NCAM1: variants seen among roughly 807,000 people sequenced by gnomAD.
The protein encoded by NCAM1 is neural cell adhesion molecule 1, also known as antigen recognized by monoclonal antibody 5.1H11.
NCAM1 carries 14 observed loss-of-function variants against 109.8 expected under a neutral mutation model. That is an observed-to-expected ratio of 0.13 (90% CI 0.08 to 0.20). The LOEUF (loss-of-function observed/expected upper bound fraction) is 0.20. NCAM1 is among the 10% of genes least tolerant of loss of function. The pLI, the probability that NCAM1 is intolerant of heterozygous loss-of-function variation, is 1.00. For missense variants in NCAM1, 774 were observed against 1,109.9 expected, an observed-to-expected ratio of 0.70 and a Z score of 4.30; for synonymous variants, 418 against 442.9, an observed-to-expected ratio of 0.94 and a Z score of 0.70.
Position 113,274,407 on chromosome 11 carries a change from C to T in NCAM1, c.2457-860C>T, listed in dbSNP as rs1946362312. On this transcript the variant is annotated intron_variant, in intron 19 of 19. Transcript: ENST00000316851. The surrounding 1 kb of genome is among the most constrained non-coding windows in gnomAD (Gnocchi z 4.1). ...GTGTCTTGCCAAAATTCAGTGGCACCAGCTGAGGCTGGGGTCTGTGCCTGT... is the reference window on the plus strand; with the variant it reads ...GTGTCTTGCCAAAATTCAGTGGCACTAGCTGAGGCTGGGGTCTGTGCCTGT... Among the ~76,000 whole-genome samples the T allele has an allele frequency of 6.6e-6, 1 of 152,214 alleles. No homozygotes were observed. Among genetic ancestry groups the T allele is most frequent in the African/African-American group, 2.4e-5 (1 of 41,444 alleles).
intron 14 of NCAM1, among the ~76,000 whole-genome samples, chr11:113,238,316 A>T (rs1425316693): frequency 6.6e-6 from 1 of 152,232 alleles, no homozygotes; most frequent in Non-Finnish European, 1.5e-5. Flanking sequence ...ACCATGGCAT[A>T]TTCTTAGAGT....
At chr11:113,090,041 G>T (rs1248425126) in intron 1 of NCAM1, among the ~76,000 whole-genome samples, 2 of 152,204 alleles carry the variant, frequency 1.3e-5, no homozygotes, top group African/African-American at 2.4e-5. Flanking sequence ...GTAGGATTTT[G>T]TGTGCATTCA....
intron 1 of NCAM1, among the ~76,000 whole-genome samples, chr11:113,067,358 GA>G (rs1471892984): frequency 1.3e-5 from 2 of 152,202 alleles, no homozygotes; most frequent in Non-Finnish European, 2.9e-5. Flanking sequence ...TAGAAGGGAA[GA>G]AAGTGTGGCA....
At chr11:113,216,293 G>A (rs1320660657) in intron 8 of NCAM1, among the ~76,000 whole-genome samples, 1 of 151,932 alleles carries the variant, frequency 6.6e-6, no homozygotes, top group Non-Finnish European at 1.5e-5. Flanking sequence ...GGGACTACAG[G>A]CGCCCGCCAC....
At chr11:113,082,947 A>G (rs1385840737) in intron 1 of NCAM1, among the ~76,000 whole-genome samples, 1 of 152,214 alleles carries the variant, frequency 6.6e-6, no homozygotes, top group Non-Finnish European at 1.5e-5. Context: ...AATCACAATT[A>G]AAGTAATATC....
intron 1 of NCAM1, among the ~76,000 whole-genome samples, chr11:113,170,674 A>G (rs1484967337): frequency 6.6e-6 from 1 of 152,046 alleles, no homozygotes; most frequent in Admixed American, 6.6e-5. Flanking sequence ...CTGCTTGTTT[A>G]GGTTTCATTT....
At chr11:113,009,825 AG>A (rs1390586701) in intron 1 of NCAM1, among the ~76,000 whole-genome samples, 1 of 152,190 alleles carries the variant, frequency 6.6e-6, no homozygotes, top group Non-Finnish European at 1.5e-5. Flanking sequence ...AGAAGGGACT[AG>A]AGCAATGCTT....
intron 1 of NCAM1, among the ~76,000 whole-genome samples, chr11:113,003,212 G>GTC (rs1293665955): frequency 2.0e-5 from 3 of 152,188 alleles, no homozygotes; most frequent in Non-Finnish European, 4.4e-5. Context: ...CTCTTTATGT[G>GTC]TCTCTCTCTC....
At chr11:113,058,920 A>G (rs1322061789) in intron 1 of NCAM1, among the ~76,000 whole-genome samples, 1 of 152,196 alleles carries the variant, frequency 6.6e-6, no homozygotes, top group Non-Finnish European at 1.5e-5. Flanking sequence ...AAACATAACT[A>G]TGATGAACTG....
intron 1 of NCAM1, among the ~76,000 whole-genome samples, chr11:113,092,789 T>C (rs1939412687): frequency 6.6e-6 from 1 of 152,098 alleles, no homozygotes; most frequent in African/African-American, 2.4e-5. Flanking sequence ...AAGAAAGGAG[T>C]GAGATTATAT....
chr11:113,015,671 G>T (rs1952189021), intron 1 of NCAM1, among the ~76,000 whole-genome samples: 1 of 152,002 alleles, frequency 6.6e-6, no homozygotes, highest in Non-Finnish European at 1.5e-5. Context: ...GGGAGGCAGA[G>T]GTTGCAGTGA....
chr11:113,205,137 A>G lies in NCAM1; in HGVS notation c.347-386A>G, dbSNP rs77570122. On this transcript the variant is annotated intron_variant, in intron 3 of 19. Coordinates refer to ENST00000316851, the MANE Select transcript of NCAM1 (RefSeq NM_181351.5). Reference sequence around the variant, plus strand: ...GACTGGGAGTAGCAGTTCGAGTGGGAGACAAGAAAAGGACTGATGATTCTT... The same window carrying G: ...GACTGGGAGTAGCAGTTCGAGTGGGGGACAAGAAAAGGACTGATGATTCTT... Among the ~76,000 whole-genome samples the G allele has an allele frequency of 2.2e-3, 338 of 152,312 alleles. 1 individual carries two copies. The highest frequency in any genetic ancestry group is 7.6e-3 in the African/African-American group (317 of 41,562).
intron 1 of NCAM1, among the ~76,000 whole-genome samples, chr11:113,059,899 T>A (rs1358150454): frequency 1.2e-4 from 19 of 152,140 alleles, no homozygotes; most frequent in Admixed American, 1.2e-3. Context: ...GTTTAATAAA[T>A]AATACCTCTT....
intron 15 of NCAM1, among the ~76,000 whole-genome samples, chr11:113,248,197 C>G (rs569237714): frequency 1.4e-5 from 2 of 138,896 alleles, no homozygotes; most frequent in Non-Finnish European, 3.1e-5. Context: ...TAGCAGTCAT[C>G]TTGGCTGTTG....
At chr11:113,196,770 C>A (rs772503891) in intron 1 of NCAM1, among the ~76,000 whole-genome samples, 1 of 152,200 alleles carries the variant, frequency 6.6e-6, no homozygotes, top group Non-Finnish European at 1.5e-5. Flanking sequence ...TGACCACATT[C>A]GTTTCCTATT....
intron 1 of NCAM1, among the ~76,000 whole-genome samples, chr11:113,063,584 G>A (rs1448074932): frequency 6.6e-6 from 1 of 152,122 alleles, no homozygotes; most frequent in African/African-American, 2.4e-5. Flanking sequence ...AGTTCTCATG[G>A]CACTGAGGAG....
chr11:113,086,786 GGCAGAGTCTTT>G (rs1939110326), intron 1 of NCAM1, among the ~76,000 whole-genome samples: 1 of 152,040 alleles, frequency 6.6e-6, no homozygotes, highest in Non-Finnish European at 1.5e-5. Flanking sequence ...TCCAGCTTCT[GGCAGAGTCTTT>G]ATTTGGCAAC....
intron 1 of NCAM1, among the ~76,000 whole-genome samples, chr11:113,055,270 C>T (rs782690655): frequency 1.2e-4 from 18 of 152,018 alleles, no homozygotes; most frequent in South Asian, 2.1e-4. Context: ...CCTCCTAGGC[C>T]CCAAACACCC....
intron 15 of NCAM1, among the ~76,000 whole-genome samples, chr11:113,254,272 T>C (rs1555121901): frequency 6.6e-6 from 1 of 152,246 alleles, no homozygotes; most frequent in African/African-American, 2.4e-5. Context: ...GGTCTTTGCC[T>C]GAAGTCCATT....
Sources: allele counts gnomAD v4.1 joint callset (sites outside exome capture counted in the v4.1 genomes callset), GRCh38; gene constraint gnomAD v4.1.1; non-coding constraint Gnocchi (gnomAD v3.1); transcripts MANE v1.5; gene names NCBI Gene and HGNC (gene_info 2026-07-23, HGNC 2026-07-21).